FRMD3: variants seen among roughly 807,000 people sequenced by gnomAD.
The protein encoded by FRMD3 is FERM domain containing 3, also known as FERM domain-containing protein 3.
FRMD3 carries 33 observed loss-of-function variants against 70.2 expected under a neutral mutation model. That is an observed-to-expected ratio of 0.47 (90% CI 0.36 to 0.63). FRMD3 has a LOEUF of 0.63. Ranked by LOEUF, FRMD3 falls within the 20% of genes least tolerant of loss-of-function variation. FRMD3 has a pLI of 0.00. For missense variants in FRMD3, 632 were observed against 711.4 expected (o/e 0.89, Z 1.27); for synonymous variants, 279 against 255.9 (o/e 1.09, Z -0.86).
chr9:83,453,740 G>T lies in FRMD3; in HGVS notation c.148-64032C>A, dbSNP rs551311640. Among the ~76,000 whole-genome samples the T allele has an allele frequency of 1.8e-4, 24 of 134,398 alleles. No individual in the cohort carries two copies. In the East Asian group the frequency reaches 4.7e-3, roughly 26 times the overall value. The allele number at this position is 134,398 out of a possible 152,430, so 88.2% of individuals were successfully genotyped here. ...TTTTTTTTTTTTTTTTTTTGAGATG[G>T]AGTCTCACTTTGTCACACAGGCTAG... is the stretch of plus-strand genomic sequence containing the variant. On this transcript the variant is annotated intron_variant, in intron 1 of 13. Coordinates refer to ENST00000304195, the MANE Select transcript of FRMD3 (RefSeq NM_174938.6).
intron 1 of FRMD3, among the ~76,000 whole-genome samples, chr9:83,392,706 A>C (rs1422880193): frequency 6.6e-6 from 1 of 152,200 alleles, no homozygotes; most frequent in East Asian, 1.9e-4. Context: ...CCCGCACAGC[A>C]CTAACAGAGA....
At chr9:83,369,621 T>A (rs576920680) in intron 3 of FRMD3, among the ~76,000 whole-genome samples, 4 of 143,724 alleles carry the variant, frequency 2.8e-5, no homozygotes, top group African/African-American at 7.7e-5. Context: ...AATAAATAAA[T>A]AAAATACACA....
the FRMD3 span, among the ~76,000 whole-genome samples, chr9:83,556,801 T>A: frequency 6.6e-6 from 1 of 152,032 alleles, no homozygotes; most frequent in Non-Finnish European, 1.5e-5. Context: ...TTAGGATATA[T>A]GAGGATTGTG....
chr9:83,337,189 CA>C (rs1823608306), intron 5 of FRMD3, among the ~76,000 whole-genome samples: 1 of 152,178 alleles, frequency 6.6e-6, no homozygotes, highest in Non-Finnish European at 1.5e-5. Flanking sequence ...CCCCATTCAG[CA>C]TAAATCTTTG....
chr9:83,323,168 C>T (rs550597565), intron 6 of FRMD3, among the ~76,000 whole-genome samples: 1 of 152,308 alleles, frequency 6.6e-6, no homozygotes, highest in African/African-American at 2.4e-5. Flanking sequence ...ACAGCAATTC[C>T]ACTCATAGTT....
At chr9:83,476,159 G>T (rs567328576) in intron 1 of FRMD3, among the ~76,000 whole-genome samples, 1 of 152,110 alleles carries the variant, frequency 6.6e-6, no homozygotes, top group Non-Finnish European at 1.5e-5. Flanking sequence ...CAAGGCAGGC[G>T]GGTCACCTGA....
intron 3 of FRMD3, among the ~76,000 whole-genome samples, chr9:83,366,730 G>A (rs890656774): frequency 1.3e-5 from 2 of 152,234 alleles, no homozygotes; most frequent in Non-Finnish European, 2.9e-5. Context: ...GTCATAGTGT[G>A]TAACTTTAAA....
At chr9:83,285,542 A>G (rs1456101722) in intron 13 of FRMD3, among the ~76,000 whole-genome samples, 1 of 152,116 alleles carries the variant, frequency 6.6e-6, no homozygotes, top group Admixed American at 6.5e-5. Flanking sequence ...CTTTTCTACC[A>G]TGTTTATGCC....
Position 83,377,399 on chromosome 9 carries a change from A to C in FRMD3, c.253-4444T>G, listed in dbSNP as rs1825183246. On this transcript the variant is annotated intron_variant, in intron 2 of 13. Transcript: ENST00000304195. ...GTATTTTCCGTGATGTTTTAACTTT[A>C]ATTTTTTACATGTACTGGTGCAAGA... Among the ~76,000 whole-genome samples the C allele has an allele frequency of 2.0e-5, 3 of 152,188 alleles. No homozygotes were observed. In the South Asian group the frequency reaches 6.2e-4, roughly 31 times the overall value.
chr9:83,375,090 T>G (rs951987278), intron 2 of FRMD3, among the ~76,000 whole-genome samples: 2 of 152,162 alleles, frequency 1.3e-5, no homozygotes, highest in African/African-American at 4.8e-5. Flanking sequence ...GGGTGACAAG[T>G]CAGTTTCATT....
Position 83,376,879 on chromosome 9 carries a change from G to T in FRMD3, c.253-3924C>A, listed in dbSNP as rs148204736. Among the ~76,000 whole-genome samples the T allele has an allele frequency of 5.7e-3, 873 of 152,280 alleles. 4 individuals carry two copies. The highest frequency in any genetic ancestry group is 0.01 in the Non-Finnish European group (691 of 68,022). ...GCAAGTACCACATAGAAATAGGTGT[G>T]CAACAAGCAATGAGCATGGTAGTGT... On this transcript the variant is annotated intron_variant, in intron 2 of 13. Transcript: ENST00000304195.
At chr9:83,269,341 A>G (rs1478010022) in intron 13 of FRMD3, among the ~76,000 whole-genome samples, 2 of 152,172 alleles carry the variant, frequency 1.3e-5, no homozygotes, top group Admixed American at 6.5e-5. Context: ...CAAAACTATC[A>G]CCATATTTTA....
In FRMD3 at chr9:83,415,442, C is replaced by CTTT. The variant is rs541899087; in HGVS notation, c.148-25737_148-25735dup. Among the ~76,000 whole-genome samples, 47 of 124,618 alleles carry CTTT rather than the reference C, an allele frequency of 3.8e-4. 1 individual carries two copies. The highest frequency in any genetic ancestry group is 1.1e-3 in the African/African-American group (37 of 32,974). 81.8% of individuals were successfully genotyped at this position (124,618 alleles called of 152,430 possible). ...GTTCCTGAGACCGAGAAAGGAAATTCTTTTTTTTTTTTTTTTTTGAGACAG... is the reference window on the plus strand; with the variant it reads ...GTTCCTGAGACCGAGAAAGGAAATTCTTTTTTTTTTTTTTTTTTTTTGAGACAG... On this transcript the variant is annotated intron_variant, in intron 1 of 13. Transcript: ENST00000304195.
chr9:83,487,972 C>A (rs892277687), intron 1 of FRMD3, among the ~76,000 whole-genome samples: 1 of 152,138 alleles, frequency 6.6e-6, no homozygotes, highest in South Asian at 2.1e-4. Flanking sequence ...CATTCAATTT[C>A]CAAGCAAGAA....
intron 1 of FRMD3, among the ~76,000 whole-genome samples, chr9:83,482,401 G>A (rs1419405327): frequency 2.0e-5 from 3 of 152,172 alleles, no homozygotes; most frequent in Admixed American, 6.5e-5. Context: ...TAGAATGCCT[G>A]AGAGGGCTGT....
upstream of FRMD3, among the ~76,000 whole-genome samples, chr9:83,541,755 C>T (rs1830001901): frequency 6.6e-6 from 1 of 152,138 alleles, no homozygotes; most frequent in Non-Finnish European, 1.5e-5. Flanking sequence ...CCCAAGTAGA[C>T]TTCAGAATGG....
rs765969940 is a variant in FRMD3, at chr9:83,248,491, G to A, written c.1221C>T (p.Asn407=). Residue 407 remains asparagine (N), a synonymous_variant, in exon 14 of 14, where the codon AAC becomes AAT. Transcript: ENST00000304195. ...GEGVPLPKEE[N]ISAPLISSSP... ...AGCTGGAGATCAAGGGAGCAGAAAT[G>A]TTCTCCTCTTTAGGCAATGGAACAC... The A allele has an allele frequency of 6.8e-6, 11 of 1,610,728 alleles. No homozygotes were observed. Among genetic ancestry groups the A allele is most frequent in the Non-Finnish European group, 9.3e-6 (11 of 1,179,356 alleles).
intron 1 of FRMD3, among the ~76,000 whole-genome samples, chr9:83,390,185 AAGAGGTTC>A (rs1191278587): frequency 3.9e-5 from 6 of 152,186 alleles, no homozygotes; most frequent in African/African-American, 1.4e-4. Flanking sequence ...CTGAGCCACA[AAGAGGTTC>A]AGTGACTTGC....
At chr9:83,358,455 C>G (rs1824475978) in intron 3 of FRMD3, among the ~76,000 whole-genome samples, 1 of 151,932 alleles carries the variant, frequency 6.6e-6, no homozygotes, top group South Asian at 2.1e-4. Context: ...ATTGTTTTTT[C>G]TAGTTATGTG....
Sources: allele counts gnomAD v4.1 joint callset (sites outside exome capture counted in the v4.1 genomes callset), GRCh38; gene constraint gnomAD v4.1.1; transcripts MANE v1.5; gene names NCBI Gene and HGNC (gene_info 2026-07-23, HGNC 2026-07-21).